ARHGAP12: variants seen among roughly 807,000 people sequenced by gnomAD.
ARHGAP12 encodes Rho GTPase activating protein 12.
Under a neutral mutation model 108.6 loss-of-function variants are expected in ARHGAP12, and 64 were observed. The ratio of observed to expected loss-of-function variants is 0.59; its 90% CI spans 0.48 to 0.73. The LOEUF (loss-of-function observed/expected upper bound fraction) is 0.73. Ranked by LOEUF, ARHGAP12 falls within the 30% of genes least tolerant of loss-of-function variation. The pLI, the probability that ARHGAP12 is intolerant of heterozygous loss-of-function variation, is 0.00. For synonymous variants in ARHGAP12, 312 were observed against 337.2 expected, an observed-to-expected ratio of 0.93 and a Z score of 0.82; for missense variants, 940 against 1,005.9, an observed-to-expected ratio of 0.93 and a Z score of 0.89.
At chr10:31,860,933 T>C (rs1837089875) in intron 4 of ARHGAP12, among the ~76,000 whole-genome samples, 1 of 152,156 alleles carries the variant, frequency 6.6e-6, no homozygotes, top group African/African-American at 2.4e-5. Context: ...CATGTGCCTG[T>C]AGTCCCAGCT....
chr10:31,846,445 T>C (rs1232513059), intron 6 of ARHGAP12, among the ~76,000 whole-genome samples: 1 of 152,240 alleles, frequency 6.6e-6, no homozygotes, highest in Non-Finnish European at 1.5e-5. Context: ...TCTGAAAATG[T>C]CCTTATATTA....
chr10:31,873,523 C>T (rs527872797), intron 3 of ARHGAP12, among the ~76,000 whole-genome samples: 14 of 152,320 alleles, frequency 9.2e-5, no homozygotes, highest in African/African-American at 2.4e-4. Context: ...TGGCTACTAT[C>T]GGCCGGCACC....
intron 3 of ARHGAP12, among the ~76,000 whole-genome samples, chr10:31,907,459 TAA>T (rs1000444016): frequency 1.1e-4 from 12 of 113,924 alleles, no homozygotes; most frequent in African/African-American, 6.1e-5. Flanking sequence ...ATCCTGTCTC[TAA>T]AAAAAAAAAA....
At chr10:31,919,510 G>T (rs1484287042) in intron 1 of ARHGAP12, among the ~76,000 whole-genome samples, 1 of 152,114 alleles carries the variant, frequency 6.6e-6, no homozygotes, top group South Asian at 2.1e-4. Context: ...AGTAGATATA[G>T]GGCCAGGCGC....
intron 3 of ARHGAP12, among the ~76,000 whole-genome samples, chr10:31,877,944 T>C (rs1837797570): frequency 6.6e-6 from 1 of 152,042 alleles, no homozygotes; most frequent in South Asian, 2.1e-4. Context: ...ATTAACTGGG[T>C]GTGGTGACAC....
intron 4 of ARHGAP12, among the ~76,000 whole-genome samples, chr10:31,856,742 C>T (rs1359375288): frequency 3.9e-5 from 6 of 152,258 alleles, no homozygotes; most frequent in East Asian, 1.9e-4. Context: ...TATAACCTCA[C>T]ATTAAAACAG....
chr10:31,859,286 T>C (rs1837018841), intron 4 of ARHGAP12, among the ~76,000 whole-genome samples: 1 of 152,110 alleles, frequency 6.6e-6, no homozygotes, highest in Non-Finnish European at 1.5e-5. Flanking sequence ...CTGTGGACAT[T>C]CTAATTAGTC....
intron 3 of ARHGAP12, among the ~76,000 whole-genome samples, chr10:31,878,198 T>G (rs1414786575): frequency 1.7e-5 from 2 of 118,236 alleles, no homozygotes; most frequent in Non-Finnish European, 4.0e-5. Context: ...AAAAAGAAGT[T>G]GGAAAACAGA....
intron 13 of ARHGAP12, among the ~76,000 whole-genome samples, chr10:31,816,167 A>ATGTGTGTG (rs1835193802): frequency 5.0e-5 from 3 of 59,702 alleles, no homozygotes; most frequent in East Asian, 1.4e-3. Context: ...AAAGAAAGAA[A>ATGTGTGTG]CGTGTGTGTG....
At chr10:31,854,023 A>T in intron 5 of ARHGAP12, 43 bp downstream of exon 5, 1 of 1,573,186 alleles carries the variant, frequency 6.4e-7, no homozygotes, top group Non-Finnish European at 8.6e-7. Context: ...ATTTTATGAG[A>T]GAATTCTGCC....
At chr10:31,850,893 AT>A (rs1200880896) in intron 6 of ARHGAP12, among the ~76,000 whole-genome samples, 3 of 152,168 alleles carry the variant, frequency 2.0e-5, no homozygotes, top group Non-Finnish European at 4.4e-5. Context: ...AATAATGAAA[AT>A]GAAAAATATC....
intron 3 of ARHGAP12, 90 bp downstream of exon 3, chr10:31,908,081 GT>G: frequency 7.9e-7 from 1 of 1,260,536 alleles, no homozygotes; most frequent in Non-Finnish European, 1.1e-6. Flanking sequence ...AGCAAAACAA[GT>G]CTTAACTCTT....
At chr10:31,889,229 T>C (rs1298453455) in intron 3 of ARHGAP12, among the ~76,000 whole-genome samples, 2 of 152,172 alleles carry the variant, frequency 1.3e-5, no homozygotes, top group Non-Finnish European at 2.9e-5. Flanking sequence ...CAAATACTAT[T>C]AATACTAGGT....
intron 1 of ARHGAP12, among the ~76,000 whole-genome samples, chr10:31,917,784 G>GTT (rs1478538282): frequency 6.6e-6 from 1 of 152,106 alleles, no homozygotes; most frequent in Non-Finnish European, 1.5e-5. Flanking sequence ...ACTCTATAAT[G>GTT]TTTAAATTAT....
intron 3 of ARHGAP12, among the ~76,000 whole-genome samples, chr10:31,888,132 G>C (rs1054441787): frequency 2.0e-5 from 3 of 152,098 alleles, no homozygotes; most frequent in African/African-American, 7.2e-5. Context: ...CATATACGTG[G>C]GAAGACCTAG....
chr10:31,892,550 T>A (rs1838493422), intron 3 of ARHGAP12, among the ~76,000 whole-genome samples: 3 of 152,208 alleles, frequency 2.0e-5, no homozygotes, highest in Admixed American at 1.3e-4. Flanking sequence ...CAAGAAGAGC[T>A]AACTATCCTA....
At chr10:31,889,361 A>G (rs748781056) in intron 3 of ARHGAP12, among the ~76,000 whole-genome samples, 7 of 152,228 alleles carry the variant, frequency 4.6e-5, no homozygotes, top group Admixed American at 1.3e-4. Flanking sequence ...ATGCTCTGCC[A>G]GTCACATAAT....
intron 1 of ARHGAP12, among the ~76,000 whole-genome samples, chr10:31,911,079 A>G (rs946955514): frequency 6.6e-6 from 1 of 152,146 alleles, no homozygotes; most frequent in African/African-American, 2.4e-5. Context: ...GCTGGAGTAC[A>G]GTGGCACGAT....
At chr10:31,893,601 T>G (rs1746399189) in intron 3 of ARHGAP12, among the ~76,000 whole-genome samples, 1 of 152,126 alleles carries the variant, frequency 6.6e-6, no homozygotes, top group African/African-American at 2.4e-5. Flanking sequence ...GAGGCAATAA[T>G]TAACAGCTTA....
Sources: gnomAD v4.1 joint callset for allele counts (sites outside exome capture counted in the v4.1 genomes callset) on GRCh38, gnomAD v4.1.1 for gene constraint, MANE v1.5 for transcripts, NCBI Gene and HGNC (gene_info 2026-07-23, HGNC 2026-07-21) for gene names.